The following GNB5 variants were observed in gnomAD, a reference collection of about 807,000 sequenced individuals.
GNB5 encodes the protein guanine nucleotide-binding protein subunit beta-5.
A neutral mutation model predicts 55.3 loss-of-function variants in GNB5; 37 were observed. That is an observed-to-expected ratio of 0.67 (90% CI 0.51 to 0.88). The LOEUF is 0.88. Ranked by LOEUF, GNB5 falls within the 40% of genes least tolerant of loss-of-function variation. The pLI, the probability that GNB5 is intolerant of heterozygous loss-of-function variation, is 0.00. For missense variants in GNB5, 476 were observed against 515.3 expected (o/e 0.92, Z 0.74); for synonymous variants, 219 against 198.5 (o/e 1.10, Z -0.87).
At chr15:52,169,409 G>A (rs1263633768) in intron 3 of GNB5, among the ~76,000 whole-genome samples, 4 of 150,800 alleles carry the variant, frequency 2.7e-5, no homozygotes, top group Admixed American at 6.6e-5. Flanking sequence ...ATGGTGGTGG[G>A]CACCTGTAAT....
intron 2 of GNB5, chr15:52,180,080 C>G (rs1201111310): frequency 2.1e-6 from 1 of 487,270 alleles, no homozygotes; most frequent in African/African-American, 2.0e-5. Context: ...GGCGCAGTGC[C>G]TGGTGCGATG....
At chr15:52,145,315 G>A (rs2033947743) in intron 6 of GNB5, among the ~76,000 whole-genome samples, 1 of 151,958 alleles carries the variant, frequency 6.6e-6, no homozygotes, top group African/African-American at 2.4e-5. Flanking sequence ...ATAAAGTGGA[G>A]ACACAATCCA....
At chr15:52,142,537 T>C (rs760618910) in intron 6 of GNB5, among the ~76,000 whole-genome samples, 9 of 151,486 alleles carry the variant, frequency 5.9e-5, no homozygotes, top group Non-Finnish European at 1.0e-4. Context: ...TACCCCAAAT[T>C]TGGGGCCTCT....
At chr15:52,177,903 C>G (rs1472223039) in intron 3 of GNB5, among the ~76,000 whole-genome samples, 1 of 152,094 alleles carries the variant, frequency 6.6e-6, no homozygotes, top group African/African-American at 2.4e-5. Context: ...CACTGTGGGT[C>G]TAAAATCTGG....
At chr15:52,155,063 G>A (rs1413045072) in intron 3 of GNB5, among the ~76,000 whole-genome samples, 3 of 152,186 alleles carry the variant, frequency 2.0e-5, no homozygotes, top group Admixed American at 1.3e-4. Context: ...AGGTCTGCAG[G>A]GATCCCATGG....
At chr15:52,150,486 G>C (rs1293942381) in intron 4 of GNB5, among the ~76,000 whole-genome samples, 3 of 152,314 alleles carry the variant, frequency 2.0e-5, no homozygotes, top group Non-Finnish European at 4.4e-5. Context: ...CCTGAGATCA[G>C]TCTAATTCCT....
intron 2 of GNB5, among the ~76,000 whole-genome samples, chr15:52,183,294 AAGTTGTTTAAAAAGC>A (rs2034798162): frequency 6.8e-6 from 1 of 147,344 alleles, no homozygotes; most frequent in Non-Finnish European, 1.5e-5. Flanking sequence ...CCTGCAGAGG[AAGTTGTTTAAAAAGC>A]AGAAGAGTTA....
chr15:52,149,853 C>G (rs2034054076), intron 5 of GNB5, 31 bp downstream of exon 5: 2 of 1,559,074 alleles, frequency 1.3e-6, no homozygotes, highest in South Asian at 2.2e-5. Context: ...ATTCTGAAGC[C>G]TCTATAACGT....
rs1404044407 is a variant in GNB5 at position 52,139,800 on chromosome 15, A to G, written c.627+1340T>C. 5 of 1,238,264 alleles carry G rather than the reference A, an allele frequency of 4.0e-6. No homozygotes were observed. In the Admixed American group the frequency reaches 1.4e-4, roughly 33 times the overall value. The allele number at this position is 1,238,264 out of a possible 1,614,324, so 76.7% of individuals were successfully genotyped here. On this transcript the variant is annotated intron_variant, in intron 7 of 12. Transcript: ENST00000261837. ...GGCTAAGCTGCTTGTTGGAAAAGAA[A>G]GCACTTTCTCACCTACTGGTGCCCC...
Position 52,137,344 on chromosome 15 carries a change from G to C in GNB5, c.628-1588C>G, listed in dbSNP as rs73402879. The stretch of plus-strand genomic sequence containing the variant: ...ACCCAGTGTGGTGATATCTGAGTTG[G>C]TCTTCAAGGAAGAGTGAGAGCTGGC... On this transcript the variant is annotated intron_variant, in intron 7 of 12. Transcript: ENST00000261837. 7,864 of 1,054,804 alleles carry C rather than the reference G, an allele frequency of 7.5e-3. 438 individuals carry two copies. In the African/African-American group the frequency reaches 0.12, roughly 16 times the overall value. 65.3% of individuals were successfully genotyped at this position (1,054,804 alleles called of 1,614,324 possible).
intron 7 of GNB5, chr15:52,140,128 C>A (rs1181598251): frequency 1.0e-5 from 3 of 292,618 alleles, no homozygotes; most frequent in African/African-American, 4.5e-5. Flanking sequence ...CTCCAGTCAG[C>A]AATTGAACAA....
At chr15:52,154,171 C>T (rs1051958691) in intron 3 of GNB5, 95 bp from the exon 4 acceptor site, 67 of 1,195,778 alleles carry the variant, frequency 5.6e-5, no homozygotes, top group Non-Finnish European at 7.1e-5. Context: ...CAGAGGGAGG[C>T]GGCCCCATGG....
intron 3 of GNB5, among the ~76,000 whole-genome samples, chr15:52,161,991 G>T (rs1596090486): frequency 6.6e-6 from 1 of 152,312 alleles, no homozygotes; most frequent in East Asian, 1.9e-4. Flanking sequence ...GTGAACAGTG[G>T]AGGGAGGGTG....
At chr15:52,173,080 T>C (rs183230074) in intron 3 of GNB5, among the ~76,000 whole-genome samples, 56 of 152,238 alleles carry the variant, frequency 3.7e-4, no homozygotes, top group Non-Finnish European at 3.8e-4. Context: ...CCACAGTAAA[T>C]GATACAAATA....
chr15:52,161,493 G>A (rs2034331602), intron 3 of GNB5, among the ~76,000 whole-genome samples: 1 of 152,136 alleles, frequency 6.6e-6, no homozygotes, highest in Non-Finnish European at 1.5e-5. Flanking sequence ...TAGAGATGGG[G>A]TTCCACCATG....
intron 1 of GNB5, among the ~76,000 whole-genome samples, chr15:52,191,091 T>A (rs930146981): frequency 2.6e-5 from 4 of 152,204 alleles, no homozygotes; most frequent in African/African-American, 9.7e-5. Flanking sequence ...AATATTAATG[T>A]AAAAAATATT....
At chr15:52,183,406 G>A (rs953298001) in intron 2 of GNB5, among the ~76,000 whole-genome samples, 2 of 152,120 alleles carry the variant, frequency 1.3e-5, no homozygotes, top group Non-Finnish European at 1.5e-5. Flanking sequence ...ACAATTTGCA[G>A]GGCCAAGTTA....
intron 3 of GNB5, among the ~76,000 whole-genome samples, chr15:52,169,963 C>T (rs1375633616): frequency 6.6e-6 from 1 of 152,146 alleles, no homozygotes; most frequent in Non-Finnish European, 1.5e-5. Flanking sequence ...TGAAAAAAAG[C>T]TCAATATCAC....
intron 7 of GNB5, among the ~76,000 whole-genome samples, chr15:52,136,149 CA>C (rs1566935740): frequency 1.5e-4 from 21 of 137,654 alleles, no homozygotes; most frequent in South Asian, 5.0e-4. Context: ...CACACACACA[CA>C]CACACACACA....
Sources: gnomAD v4.1 joint callset for allele counts (sites outside exome capture counted in the v4.1 genomes callset) on GRCh38, gnomAD v4.1.1 for gene constraint, MANE v1.5 for transcripts, NCBI Gene and HGNC (gene_info 2026-07-23, HGNC 2026-07-21) for gene names.